Variants in NRP1 observed in about 807,000 individuals in gnomAD.
The protein encoded by NRP1 is neuropilin-1.
Under a neutral mutation model 106.7 loss-of-function variants are expected in NRP1, and 35 were observed. The ratio of observed to expected loss-of-function variants is 0.33; its 90% CI spans 0.25 to 0.43. The LOEUF is 0.43. Ranked by LOEUF, NRP1 falls within the 20% of genes least tolerant of loss-of-function variation. NRP1 has a pLI of 1.00. For synonymous variants in NRP1, 437 were observed against 417.9 expected (o/e 1.05, Z -0.56); for missense variants, 1,024 against 1,170.4 (o/e 0.87, Z 1.83).
chr10:33,184,148 A>AT (rs1357405221), intron 15 of NRP1, among the ~76,000 whole-genome samples: 2 of 152,024 alleles, frequency 1.3e-5, no homozygotes, highest in Non-Finnish European at 2.9e-5. Flanking sequence ...AGTAGCTGGG[A>AT]TTACTACAGC....
intron 2 of NRP1, among the ~76,000 whole-genome samples, chr10:33,277,587 C>G (rs1459947388): frequency 2.0e-5 from 3 of 152,214 alleles, no homozygotes; most frequent in Admixed American, 1.3e-4. Context: ...ATCCCTAGAC[C>G]TTTCTATAAG....
At chr10:33,203,176 GAGGCTGCTTTGTTTTGGT>G (rs1463998431) in intron 10 of NRP1, among the ~76,000 whole-genome samples, 181 bp from the exon 11 acceptor site, 7 of 152,248 alleles carry the variant, frequency 4.6e-5, no homozygotes, top group African/African-American at 1.7e-4. Flanking sequence ...TATAATAGCA[GAGGCTGCTTTGTTTTGGT>G]ATTTGATTCG....
At chr10:33,224,364 T>A (rs1459968815) in intron 7 of NRP1, among the ~76,000 whole-genome samples, 1 of 152,100 alleles carries the variant, frequency 6.6e-6, no homozygotes, top group Admixed American at 6.5e-5. Flanking sequence ...TGGACAACAG[T>A]TGAAGAAAAC....
intron 4 of NRP1, among the ~76,000 whole-genome samples, chr10:33,257,644 A>C (rs1003916443): frequency 2.7e-5 from 4 of 148,568 alleles, no homozygotes; most frequent in Non-Finnish European, 4.5e-5. Context: ...CACAAAAAAA[A>C]CAACAATTTG....
intron 12 of NRP1, 152 bp from the exon 13 acceptor site, chr10:33,192,570 G>A: frequency 1.4e-6 from 1 of 735,144 alleles, no homozygotes; most frequent in Non-Finnish European, 2.2e-6. Flanking sequence ...GGATTACCAA[G>A]AAACCAAAAG....
At chr10:33,204,603 C>A (rs1837612151) in intron 10 of NRP1, among the ~76,000 whole-genome samples, 1 of 152,116 alleles carries the variant, frequency 6.6e-6, no homozygotes, top group African/African-American at 2.4e-5. Context: ...AAGGGGAGTT[C>A]CGCATTGTAA....
intron 6 of NRP1, chr10:33,249,444 A>T: frequency 1.9e-6 from 1 of 525,034 alleles, no homozygotes; most frequent in Non-Finnish European, 3.9e-6. Context: ...ATTTTATAGG[A>T]AAAGAAACTC....
rs1468274363 is a variant in NRP1, at chr10:33,177,671, T to G, written c.*2405A>C. On this transcript the variant is annotated 3_prime_UTR_variant, in exon 17 of 17. Coordinates refer to ENST00000374867, the MANE Select transcript of NRP1 (RefSeq NM_003873.7). ...ATTTTGAAACAACAATTTACAAGTG[T>G]CATATTGTCATAGAAAATAATAATT... 6.6e-6 allele frequency: 1 copy of G among 152,636 alleles called. No individual in the cohort carries two copies. The highest frequency in any genetic ancestry group is 2.4e-5 in the African/African-American group (1 of 41,454). The allele number at this position is 152,636 out of a possible 1,614,324, so 9.5% of individuals were successfully genotyped here.
chr10:33,268,486 A>G (rs1564440213), intron 3 of NRP1, among the ~76,000 whole-genome samples: 1 of 152,228 alleles, frequency 6.6e-6, no homozygotes, highest in African/African-American at 2.4e-5. Flanking sequence ...TTCAAGTCTG[A>G]AGAATGGGCT....
chr10:33,249,130 A>G (rs1841659752), intron 6 of NRP1, among the ~76,000 whole-genome samples: 1 of 128,980 alleles, frequency 7.8e-6, no homozygotes, highest in Non-Finnish European at 1.6e-5. Context: ...TTTTAATCAG[A>G]GAAAAGTCAC....
intron 6 of NRP1, chr10:33,249,491 G>T (rs1200003398): frequency 5.7e-6 from 3 of 530,840 alleles, no homozygotes; most frequent in Non-Finnish European, 1.2e-5. Flanking sequence ...TTCTAATGAT[G>T]TGCTTGAAGA....
At chr10:33,203,738 T>C (rs1294646741) in intron 10 of NRP1, among the ~76,000 whole-genome samples, 2 of 77,904 alleles carry the variant, frequency 2.6e-5, no homozygotes, top group African/African-American at 7.3e-5. Context: ...TTTTTTTTTT[T>C]TTTTTTTTTT....
chr10:33,244,544 A>T (rs980685450), intron 6 of NRP1, among the ~76,000 whole-genome samples: 2 of 152,194 alleles, frequency 1.3e-5, no homozygotes, highest in Non-Finnish European at 2.9e-5. Context: ...CCCAAAACAG[A>T]TGTGAAACCA....
chr10:33,238,714 A>T (rs1470695249), intron 6 of NRP1, among the ~76,000 whole-genome samples: 1 of 152,166 alleles, frequency 6.6e-6, no homozygotes, highest in African/African-American at 2.4e-5. Flanking sequence ...GGATAATGTT[A>T]AGCAAGTTAC....
At chr10:33,220,802 G>T (rs983036926) in intron 8 of NRP1, among the ~76,000 whole-genome samples, 6 of 144,310 alleles carry the variant, frequency 4.2e-5, no homozygotes, top group Non-Finnish European at 9.0e-5. Context: ...TCAGGAGGCT[G>T]AAGCAGGAGA....
rs1835578353 is a variant in NRP1 at position 33,179,993 on chromosome 10, T to C, written c.*83A>G. On this transcript the variant is annotated 3_prime_UTR_variant, in exon 17 of 17. Coordinates refer to ENST00000374867, the MANE Select transcript of NRP1 (RefSeq NM_003873.7). ...GGTCATCAACACACTTCCCAGCCTG[T>C]ATAGTGAAAGATCAACAGCTCCCCA... 4.9e-5 allele frequency: 70 copies of C among 1,415,558 alleles called. No individual in the cohort carries two copies. In the South Asian group the frequency reaches 6.8e-4, roughly 14 times the overall value. The allele number at this position is 1,415,558 out of a possible 1,614,324, so 87.7% of individuals were successfully genotyped here. A position where few individuals can be genotyped will look rare whatever the true frequency, so the allele number is the denominator to read the frequency against.
chr10:33,319,718 C>CT (rs1167168746), intron 2 of NRP1, among the ~76,000 whole-genome samples: 1 of 151,536 alleles, frequency 6.6e-6, no homozygotes, highest in Non-Finnish European at 1.5e-5. Context: ...TCCCAAGTAG[C>CT]TGGGACTACA....
chr10:33,221,803 T>C lies in NRP1; in HGVS notation c.1198A>G (p.Ile400Val), dbSNP rs1476965621. 1.2e-6 allele frequency: 2 copies of C among 1,614,124 alleles called. No homozygotes were observed. The highest frequency in any genetic ancestry group is 1.7e-6 in the Non-Finnish European group (2 of 1,179,978). The change falls in exon 8 of 17, where the codon ATA (isoleucine) becomes GTA (valine). Residue 400 changes from isoleucine to valine, a missense_variant. Physicochemically the swap from Ile to Val is conservative, Grantham distance 29. Coordinates refer to ENST00000374867, the MANE Select transcript of NRP1 (RefSeq NM_003873.7). Reference protein sequence around the residue: ...VVVAVFPKPLITRFVRIKPAT... With the variant: ...VVVAVFPKPLVTRFVRIKPAT... ...GGCTTGATTCGGACAAATCGAGTTA[T>C]CAGTGGTTTGGGGAATACTGCAACC...
At position 33,213,138 on chromosome 10, in the gene NRP1, T is replaced by G. The variant is rs991535998; in HGVS notation, c.1614+248A>C. The G allele has an allele frequency of 6.7e-6, 7 of 1,044,290 alleles. No homozygotes were observed. The African/African-American group carries it at 9.6e-5, about 14-fold the overall frequency. 64.7% of individuals were successfully genotyped at this position (1,044,290 alleles called of 1,614,324 possible). ...CCCGTCTCCTGTCTGCATGTTGAGC[T>G]GTCTGTCCATCCCTACAGCCAGGGA... On this transcript the variant is annotated intron_variant, in intron 9 of 16. Transcript: ENST00000374867.
Sources: allele counts gnomAD v4.1 joint callset (sites outside exome capture counted in the v4.1 genomes callset), GRCh38; gene constraint gnomAD v4.1.1; transcripts MANE v1.5; gene names NCBI Gene and HGNC (gene_info 2026-07-23, HGNC 2026-07-21).